The following DPP10 variants were observed in gnomAD, a reference collection of about 807,000 sequenced individuals.
DPP10 encodes the protein inactive dipeptidyl peptidase 10.
A neutral mutation model predicts 120.9 loss-of-function variants in DPP10; 33 were observed. The ratio of observed to expected loss-of-function variants is 0.27; its 90% CI spans 0.21 to 0.37. The LOEUF is 0.37. Among genes scored for constraint, DPP10 ranks in the 10% least tolerant of loss-of-function variants. DPP10 has a pLI of 1.00. For missense variants in DPP10, 816 were observed against 942.8 expected (o/e 0.87, Z 1.76); for synonymous variants, 337 against 326.1 (o/e 1.03, Z -0.36).
At chr2:115,598,369 C>T (rs777248595) in intron 5 of DPP10, among the ~76,000 whole-genome samples, 1 of 151,828 alleles carries the variant, frequency 6.6e-6, no homozygotes, top group Non-Finnish European at 1.5e-5. Context: ...TCTGATCTCC[C>T]TTCCCTGCCT....
intron 25 of DPP10, 136 bp from the exon 26 acceptor site, chr2:115,842,075 C>A: frequency 1.3e-6 from 1 of 764,672 alleles, no homozygotes; most frequent in Non-Finnish European, 2.0e-6. Flanking sequence ...GCATGAATAA[C>A]TTAGAGTAGA....
chr2:115,708,574 C>T (rs1413898873), intron 7 of DPP10, among the ~76,000 whole-genome samples: 1 of 151,896 alleles, frequency 6.6e-6, no homozygotes, highest in African/African-American at 2.4e-5. Context: ...AAAGCTTGTC[C>T]ACTAACTTTT....
chr2:114,756,695 A>T (rs1679780348), intron 1 of DPP10, among the ~76,000 whole-genome samples: 1 of 152,134 alleles, frequency 6.6e-6, no homozygotes, highest in South Asian at 2.1e-4. Context: ...AAGATGATGA[A>T]CTACTGCCTC....
intron 1 of DPP10, among the ~76,000 whole-genome samples, chr2:114,526,152 T>C (rs1418821711): frequency 6.6e-6 from 1 of 152,198 alleles, no homozygotes; most frequent in Non-Finnish European, 1.5e-5. Context: ...TCATCATTTC[T>C]GGGGCACTGG....
At chr2:115,821,122 G>T (rs1687776649) in intron 21 of DPP10, among the ~76,000 whole-genome samples, 1 of 152,020 alleles carries the variant, frequency 6.6e-6, no homozygotes, top group Non-Finnish European at 1.5e-5. Flanking sequence ...TTACATATAT[G>T]TCCATTTAAT....
At position 114,839,260 on chromosome 2, in the gene DPP10, T is replaced by C. The variant is rs972538628; in HGVS notation, c.60+396422T>C. Reference sequence around the variant, plus strand: ...ATGGTGTGAAAGAGATAGATTTAAGTTGGGAAATAACTTCCCTGTGACCTT... The same window carrying C: ...ATGGTGTGAAAGAGATAGATTTAAGCTGGGAAATAACTTCCCTGTGACCTT... On this transcript the variant is annotated intron_variant, in intron 1 of 25. Coordinates refer to ENST00000410059, the MANE Select transcript of DPP10 (RefSeq NM_020868.6). Among the ~76,000 whole-genome samples the C allele has an allele frequency of 7.2e-5, 11 of 152,310 alleles. No individual in the cohort carries two copies. The East Asian group carries it at 1.4e-3, about 19-fold the overall frequency.
At chr2:115,710,517 T>C (rs909869854) in intron 7 of DPP10, among the ~76,000 whole-genome samples, 6 of 152,116 alleles carry the variant, frequency 3.9e-5, no homozygotes, top group African/African-American at 1.2e-4. Flanking sequence ...AATTTTAGAA[T>C]TTAAGGGTAT....
At chr2:115,108,569 T>C (rs1039554736) in intron 1 of DPP10, among the ~76,000 whole-genome samples, 4 of 152,212 alleles carry the variant, frequency 2.6e-5, no homozygotes, top group Admixed American at 6.5e-5. Context: ...TTGGAGACAT[T>C]TGGCCTACCA....
chr2:115,831,235 C>CTTCTTTCT (rs55773986), intron 21 of DPP10, among the ~76,000 whole-genome samples: 2,150 of 151,338 alleles, frequency 0.014, 29 homozygotes, highest in Middle Eastern at 0.068. Flanking sequence ...GCACAGATCA[C>CTTCTTTCT]TTCTTTCTTT....
At chr2:114,574,389 C>T (rs1689898233) in intron 1 of DPP10, among the ~76,000 whole-genome samples, 1 of 152,164 alleles carries the variant, frequency 6.6e-6, no homozygotes, top group Non-Finnish European at 1.5e-5. Flanking sequence ...CCACCACTCT[C>T]CTAAAGACCC....
intron 1 of DPP10, among the ~76,000 whole-genome samples, chr2:114,961,809 C>G (rs1039678822): frequency 2.6e-5 from 4 of 151,966 alleles, no homozygotes; most frequent in Middle Eastern, 3.2e-3. Context: ...CAAAAATTAG[C>G]CGGGCATGAT....
intron 5 of DPP10, among the ~76,000 whole-genome samples, chr2:115,676,881 G>A (rs2090307535): frequency 6.6e-6 from 1 of 152,050 alleles, no homozygotes; most frequent in South Asian, 2.1e-4. Flanking sequence ...CCTCTCTGAA[G>A]TACAATAAAT....
At chr2:115,758,427 C>T (rs1260193136) in intron 11 of DPP10, among the ~76,000 whole-genome samples, 1 of 152,036 alleles carries the variant, frequency 6.6e-6, no homozygotes, top group Non-Finnish European at 1.5e-5. Context: ...CTGAATACTA[C>T]AACATTGCTA....
chr2:115,529,103 A>G (rs2078305268), intron 5 of DPP10, among the ~76,000 whole-genome samples: 1 of 152,098 alleles, frequency 6.6e-6, no homozygotes, highest in African/African-American at 2.4e-5. Flanking sequence ...ATTATGTCAA[A>G]ATAAAAGATT....
At chr2:115,651,805 C>T (rs2087803153) in intron 5 of DPP10, among the ~76,000 whole-genome samples, 1 of 151,996 alleles carries the variant, frequency 6.6e-6, no homozygotes, top group African/African-American at 2.4e-5. Context: ...GTTGGACAGC[C>T]TTTGTAAGTT....
At chr2:114,886,331 A>G (rs1692064304) in intron 1 of DPP10, among the ~76,000 whole-genome samples, 1 of 152,214 alleles carries the variant, frequency 6.6e-6, no homozygotes. Flanking sequence ...TATGTCAGAC[A>G]CAACACTGGC....
chr2:114,581,108 G>C (rs1690473857), intron 1 of DPP10, among the ~76,000 whole-genome samples: 1 of 150,788 alleles, frequency 6.6e-6, no homozygotes, highest in Non-Finnish European at 1.5e-5. Flanking sequence ...ATAATTTTGT[G>C]GAGTTAGAAG....
chr2:114,652,622 C>CT (rs1265309955), intron 1 of DPP10, among the ~76,000 whole-genome samples: 5 of 152,200 alleles, frequency 3.3e-5, no homozygotes, highest in Non-Finnish European at 5.9e-5. Flanking sequence ...AAACACCTAT[C>CT]TGAAGGTGTG....
chr2:115,019,331 A>C (rs928347255), intron 1 of DPP10, among the ~76,000 whole-genome samples: 1 of 152,192 alleles, frequency 6.6e-6, no homozygotes, highest in Admixed American at 6.5e-5. Context: ...ACAAAAAGAA[A>C]TCACAACTTC....
Sources: allele counts gnomAD v4.1 joint callset (sites outside exome capture counted in the v4.1 genomes callset), GRCh38; gene constraint gnomAD v4.1.1; transcripts MANE v1.5; gene names NCBI Gene and HGNC (gene_info 2026-07-23, HGNC 2026-07-21).